The following VTI1A variants were observed in gnomAD, a reference collection of about 807,000 sequenced individuals.
VTI1A encodes vesicle transport through interaction with t-SNAREs homolog 1A.
A neutral mutation model predicts 34.9 loss-of-function variants in VTI1A; 22 were observed. The ratio of observed to expected loss-of-function variants is 0.63; its 90% CI spans 0.45 to 0.90. The LOEUF (loss-of-function observed/expected upper bound fraction) is 0.90, where lower values mean the gene tolerates loss of function less well. Among genes scored for constraint, VTI1A ranks in the 40% least tolerant of loss-of-function variants. The pLI is 0.00. For missense variants in VTI1A, 268 were observed against 275.6 expected, an observed-to-expected ratio of 0.97 and a Z score of 0.20; for synonymous variants, 87 against 97.3, an observed-to-expected ratio of 0.89 and a Z score of 0.62.
chr10:112,656,521 A>ATTTTTTTTTT lies in VTI1A; in HGVS notation c.428-11683_428-11674dup, dbSNP rs768159688. 4.8e-5 allele frequency among the ~76,000 whole-genome samples: 5 copies of ATTTTTTTTTT among 103,184 alleles called. No individual in the cohort carries two copies. In the South Asian group the frequency reaches 1.1e-3, roughly 23 times the overall value. The allele number at this position is 103,184 out of a possible 152,430, so 67.7% of individuals were successfully genotyped here. A position where few individuals can be genotyped will look rare whatever the true frequency, so the allele number is the denominator to read the frequency against. On this transcript the variant is annotated intron_variant, in intron 5 of 7. Coordinates refer to ENST00000393077, the MANE Select transcript of VTI1A (RefSeq NM_145206.4). ...TACAGGAGCATACCACACCCAGATA[A>ATTTTTTTTTT]TTTTTTTTTTTTTTTTTTTTTTTGA...
intron 7 of VTI1A, among the ~76,000 whole-genome samples, chr10:112,699,123 C>G (rs981888475): frequency 1.3e-5 from 2 of 152,238 alleles, no homozygotes; most frequent in African/African-American, 4.8e-5. Flanking sequence ...GAAATGATTT[C>G]ATATTCTCTT....
At chr10:112,492,376 T>C (rs1215688827) in intron 3 of VTI1A, among the ~76,000 whole-genome samples, 2 of 152,184 alleles carry the variant, frequency 1.3e-5, no homozygotes, top group African/African-American at 4.8e-5. Context: ...TCTTTTACAC[T>C]CAGAAATTCT....
At chr10:112,699,938 G>A (rs11599775) in intron 7 of VTI1A, among the ~76,000 whole-genome samples, 40,579 of 151,538 alleles carry the variant, frequency 0.27, 6,737 homozygotes, top group Non-Finnish European at 0.38. Context: ...GGCCAAGATG[G>A]TGAAATCCTG....
At position 112,566,065 on chromosome 10, in the gene VTI1A, T is replaced by C. The variant is rs139873828; in HGVS notation, c.427+27735T>C. Among the ~76,000 whole-genome samples, 16 of 152,174 alleles carry C rather than the reference T, an allele frequency of 1.1e-4. No individual in the cohort carries two copies. In the East Asian group the frequency reaches 1.2e-3, roughly 11 times the overall value. On this transcript the variant is annotated intron_variant, in intron 5 of 7. Coordinates refer to ENST00000393077, the MANE Select transcript of VTI1A (RefSeq NM_145206.4). ...AACAACTTTAAAGTGTGAAATATAA[T>C]TAACAAATATGTGCTTGGAAACTTT...
chr10:112,689,176 T>C (rs537642921), intron 7 of VTI1A, among the ~76,000 whole-genome samples: 2 of 152,312 alleles, frequency 1.3e-5, no homozygotes, highest in African/African-American at 4.8e-5. Context: ...CAAGTCACTC[T>C]GGTAGGGAAA....
chr10:112,625,896 A>G (rs1051535705), intron 5 of VTI1A, among the ~76,000 whole-genome samples: 1 of 152,214 alleles, frequency 6.6e-6, no homozygotes, highest in Admixed American at 6.5e-5. Context: ...AAAAAATTAA[A>G]AAACAAAGAC....
intron 3 of VTI1A, among the ~76,000 whole-genome samples, chr10:112,514,198 TTC>T (rs999052203): frequency 6.6e-6 from 1 of 152,026 alleles, no homozygotes; most frequent in Admixed American, 6.6e-5. Context: ...CTTGTTATTT[TTC>T]TGTTTGGATT....
chr10:112,759,300 G>A (rs1046972386), intron 7 of VTI1A, among the ~76,000 whole-genome samples: 2 of 152,174 alleles, frequency 1.3e-5, no homozygotes, highest in Non-Finnish European at 2.9e-5. Context: ...GGACCCCAAA[G>A]GTCTTCAGAT....
intron 7 of VTI1A, among the ~76,000 whole-genome samples, chr10:112,729,584 G>T (rs529666600): frequency 1.3e-5 from 2 of 152,164 alleles, no homozygotes; most frequent in South Asian, 4.2e-4. Flanking sequence ...TTCTCATTAT[G>T]AAATAGACCA....
downstream of VTI1A, among the ~76,000 whole-genome samples, chr10:112,821,911 G>A (rs1440430619): frequency 6.6e-6 from 1 of 152,166 alleles, no homozygotes; most frequent in East Asian, 1.9e-4. Flanking sequence ...GGGATGCCAG[G>A]CCCCTGCGCA....
intron 7 of VTI1A, among the ~76,000 whole-genome samples, chr10:112,732,135 G>A (rs1850286883): frequency 1.3e-5 from 2 of 152,090 alleles, no homozygotes; most frequent in South Asian, 4.1e-4. Flanking sequence ...ACATATTTAT[G>A]AAACTTTTGA....
chr10:112,682,885 T>C (rs948241303), intron 7 of VTI1A, among the ~76,000 whole-genome samples: 4 of 152,244 alleles, frequency 2.6e-5, no homozygotes, highest in Non-Finnish European at 5.9e-5. Context: ...AAACAGGTGT[T>C]CCTGGGAGGA....
intron 3 of VTI1A, among the ~76,000 whole-genome samples, chr10:112,520,347 G>A (rs1849968477): frequency 6.6e-6 from 1 of 151,982 alleles, no homozygotes; most frequent in Admixed American, 6.6e-5. Context: ...GTCATAAACT[G>A]CAAGCATATG....
At chr10:112,842,551 C>T in the VTI1A span, among the ~76,000 whole-genome samples, 2 of 152,250 alleles carry the variant, frequency 1.3e-5, no homozygotes, top group African/African-American at 4.8e-5. Context: ...CTACTCTCCT[C>T]TCTGGGCCTC....
chr10:112,565,349 C>T (rs78123626), intron 5 of VTI1A, among the ~76,000 whole-genome samples: 426 of 152,122 alleles, frequency 2.8e-3, no homozygotes, highest in Non-Finnish European at 4.5e-3. Flanking sequence ...CCACAAAACA[C>T]CATGCTTCTT....
intron 6 of VTI1A, 109 bp downstream of exon 6, chr10:112,668,397 A>G: frequency 1.7e-6 from 2 of 1,193,768 alleles, no homozygotes; most frequent in Non-Finnish European, 2.4e-6. Flanking sequence ...GTGTAAGGTG[A>G]AAGAGGGTAT....
At chr10:112,549,424 T>C (rs1589890748) in intron 5 of VTI1A, among the ~76,000 whole-genome samples, 1 of 152,164 alleles carries the variant, frequency 6.6e-6, no homozygotes, top group Non-Finnish European at 1.5e-5. Context: ...GATTATTAGC[T>C]GAAGTAATTT....
intron 5 of VTI1A, among the ~76,000 whole-genome samples, chr10:112,602,277 T>C (rs148759942): frequency 2.1e-3 from 314 of 152,342 alleles, no homozygotes; most frequent in African/African-American, 7.1e-3. Context: ...ACTTACTGTT[T>C]ATTGAGCGAA....
intron 7 of VTI1A, among the ~76,000 whole-genome samples, chr10:112,793,842 T>A (rs1181546100): frequency 1.3e-5 from 2 of 152,178 alleles, no homozygotes; most frequent in East Asian, 3.8e-4. Context: ...TTTTACGACA[T>A]CATTGCAGTT....
Sources: allele counts gnomAD v4.1 joint callset (sites outside exome capture counted in the v4.1 genomes callset), GRCh38; gene constraint gnomAD v4.1.1; transcripts MANE v1.5; gene names NCBI Gene and HGNC (gene_info 2026-07-23, HGNC 2026-07-21).